Variants in ZNF813 observed in about 807,000 individuals in gnomAD.
ZNF813 encodes zinc finger protein 813.
A neutral mutation model predicts 7.2 loss-of-function variants in ZNF813; 3 were observed. The observed-to-expected ratio is 0.42, with a 90% CI of 0.19 to 1.08. The LOEUF is 1.08. Ranked by LOEUF, ZNF813 falls within the 50% of genes least tolerant of loss-of-function variation. The pLI is 0.30. For synonymous variants in ZNF813, 227 were observed against 256.3 expected, an observed-to-expected ratio of 0.89 and a Z score of 1.09; for missense variants, 714 against 753.3, an observed-to-expected ratio of 0.95 and a Z score of 0.61.
chr19:53,471,692 G>C (rs1356480834), intron 1 of ZNF813, among the ~76,000 whole-genome samples: 1 of 151,602 alleles, frequency 6.6e-6, no homozygotes, highest in Non-Finnish European at 1.5e-5. Context: ...GGCACCTGTA[G>C]TCCCAGCTAC....
chr19:53,488,149 C>T (rs528446171), intron 3 of ZNF813: 5 of 408,856 alleles, frequency 1.2e-5, no homozygotes, highest in Admixed American at 2.7e-5. Flanking sequence ...CTCAATTTCC[C>T]GAGTAGCTGG....
chr19:53,481,770 G>T (rs1165400802), intron 1 of ZNF813, among the ~76,000 whole-genome samples: 2 of 152,124 alleles, frequency 1.3e-5, no homozygotes, highest in African/African-American at 4.8e-5. Flanking sequence ...ATGTTACTGT[G>T]ATTTTCTTGT....
At chr19:53,484,850 G>C (rs947134251) in intron 2 of ZNF813, among the ~76,000 whole-genome samples, 1 of 152,224 alleles carries the variant, frequency 6.6e-6, no homozygotes, top group Non-Finnish European at 1.5e-5. Flanking sequence ...ACAGGTGCGA[G>C]GCACCGTGCC....
chr19:53,485,789 A>T (rs927928103), intron 2 of ZNF813, among the ~76,000 whole-genome samples: 1 of 152,042 alleles, frequency 6.6e-6, no homozygotes, highest in African/African-American at 2.4e-5. Context: ...GCTCACTGCA[A>T]CCTCCACCCT....
chr19:53,489,384 T>G (rs573070787), intron 3 of ZNF813, among the ~76,000 whole-genome samples: 1 of 152,142 alleles, frequency 6.6e-6, no homozygotes, highest in South Asian at 2.1e-4. Context: ...GGGTGGATCA[T>G]TGAGGTCAAA....
At chr19:53,477,517 T>C (rs549543976) in intron 1 of ZNF813, among the ~76,000 whole-genome samples, 3 of 152,194 alleles carry the variant, frequency 2.0e-5, no homozygotes, top group African/African-American at 4.8e-5. Flanking sequence ...TGAGGTTGCA[T>C]TGGTGCCTGA....
chr19:53,482,230 G>A (rs575490884), intron 1 of ZNF813, among the ~76,000 whole-genome samples: 1 of 152,318 alleles, frequency 6.6e-6, no homozygotes, highest in African/African-American at 2.4e-5. Flanking sequence ...GGAAGAAACA[G>A]AGTTGTAGAC....
intron 1 of ZNF813, among the ~76,000 whole-genome samples, chr19:53,478,406 A>G (rs2086391831): frequency 6.6e-6 from 1 of 152,050 alleles, no homozygotes; most frequent in Non-Finnish European, 1.5e-5. Flanking sequence ...TCCTGAGCTC[A>G]AAGGATCTTT....
intron 2 of ZNF813, among the ~76,000 whole-genome samples, chr19:53,486,186 G>A (rs185288727): frequency 7.2e-5 from 11 of 152,278 alleles, no homozygotes; most frequent in Admixed American, 2.0e-4. Context: ...GGCCGGGCGC[G>A]GTGGATCACG....
intron 1 of ZNF813, chr19:53,480,299 C>A: frequency 1.4e-6 from 1 of 712,706 alleles, no homozygotes; most frequent in South Asian, 1.4e-5. Context: ...AGGCTGAGAA[C>A]CTTTGCAAAC....
intron 1 of ZNF813, among the ~76,000 whole-genome samples, chr19:53,469,016 G>A (rs1239686479): frequency 6.6e-6 from 1 of 152,174 alleles, no homozygotes; most frequent in East Asian, 1.9e-4. Flanking sequence ...TAGGGCAGAG[G>A]TCCCTGCGGC....
chr19:53,483,288 C>T (rs112862070), intron 1 of ZNF813, among the ~76,000 whole-genome samples: 2,253 of 152,224 alleles, frequency 0.015, 64 homozygotes, highest in African/African-American at 0.052. Flanking sequence ...TCAAGCGATC[C>T]TCACACCTCA....
intron 3 of ZNF813, among the ~76,000 whole-genome samples, chr19:53,487,649 T>C (rs183302544): frequency 3.9e-5 from 6 of 152,102 alleles, no homozygotes; most frequent in East Asian, 3.9e-4. Flanking sequence ...AATACAAAAA[T>C]TAGCCGGACA....
chr19:53,491,344 C>A lies in ZNF813; in HGVS notation c.1112C>A (p.Thr371Lys). The change falls in exon 4 of 4, where the codon ACA becomes AAA. Residue 371 changes from threonine (T) to lysine (K), a missense_variant. This residue lies in a region of ZNF813 where 563 missense variants were observed against 554.2 expected (regional missense o/e 1.02). Transcript: ENST00000396403. ...GKTFSRKSSL[T>K]CHHRLHTGEK... is the part of the protein sequence containing the mutation. ...ACCTTTAGTCGGAAGTCATCCCTTACATGCCATCATAGACTTCATACGGGA... is the reference window on the plus strand; with the variant it reads ...ACCTTTAGTCGGAAGTCATCCCTTAAATGCCATCATAGACTTCATACGGGA... 6.2e-7 allele frequency: 1 copy of A among 1,612,674 alleles called. No individual in the cohort carries two copies. The highest frequency in any genetic ancestry group is 1.3e-5 in the African/African-American group (1 of 74,776).
intron 1 of ZNF813, among the ~76,000 whole-genome samples, chr19:53,471,809 CA>C (rs57761931): frequency 0.5 from 60,081 of 120,702 alleles, 13,752 homozygotes; most frequent in Admixed American, 0.51. Flanking sequence ...GAGACTGTCT[CA>C]AAAAAAAAAA....
chr19:53,476,346 G>A (rs1370427104), intron 1 of ZNF813, among the ~76,000 whole-genome samples: 1 of 152,110 alleles, frequency 6.6e-6, no homozygotes, highest in Non-Finnish European at 1.5e-5. Flanking sequence ...GATTGTGGGA[G>A]AGAACCGGGC....
In ZNF813 at chr19:53,491,911, T is replaced by G. The variant is rs1353586942; in HGVS notation, c.1679T>G (p.Phe560Cys). 1 of 1,610,728 alleles carries G rather than the reference T, an allele frequency of 6.2e-7. No individual in the cohort carries two copies. The highest frequency in any genetic ancestry group is 1.7e-5 in the Admixed American group (1 of 59,736). Residue 560 changes from phenylalanine to cysteine, a missense_variant, in exon 4 of 4, where the codon TTT becomes TGT. By Grantham distance (205) the Phe-to-Cys change is radical (BLOSUM62 -2). This residue lies in a region of ZNF813 where 122 missense variants were observed against 146.8 expected (regional missense o/e 0.83). Transcript: ENST00000396403. The stretch of plus-strand genomic sequence containing the variant: ...AAGTGTAATGAATGTGGCAAGGTTT[T>G]TAATCAAAAAGCACACCTTGCACGT... ...PYKCNECGKV[F>C]NQKAHLARHH...
Position 53,481,930 on chromosome 19 carries a change from TAAG to T in ZNF813, c.-73-1814_-73-1812del, listed in dbSNP as rs912530442. Among the ~76,000 whole-genome samples, 33 of 152,266 alleles carry T rather than the reference TAAG, an allele frequency of 2.2e-4. 1 individual carries two copies. The highest frequency in any genetic ancestry group is 2.0e-3 in the Admixed American group (30 of 15,296). On this transcript the variant is annotated intron_variant, in intron 1 of 3. Coordinates refer to ENST00000396403, the MANE Select transcript of ZNF813 (RefSeq NM_001004301.4). ...CCATTAGCATTTCCAGGCCCCAATG[TAAG>T]AAGAATTCAGGCACACATTTTCACT... is the stretch of plus-strand genomic sequence containing the variant.
chr19:53,468,930 A>G (rs901640421), intron 1 of ZNF813, among the ~76,000 whole-genome samples: 3 of 150,870 alleles, frequency 2.0e-5, no homozygotes, highest in Middle Eastern at 3.4e-3. Flanking sequence ...TGGGGGATGT[A>G]AGGTCTTTCC....
Sources: gnomAD v4.1 joint callset for allele counts (sites outside exome capture counted in the v4.1 genomes callset) on GRCh38, gnomAD v4.1.1 for gene constraint, gnomAD v4.1.1 regional missense constraint, MANE v1.5 for transcripts, NCBI Gene and HGNC (gene_info 2026-07-23, HGNC 2026-07-21) for gene names.